The following GTF2I variants were observed in gnomAD, a reference collection of about 807,000 sequenced individuals.
GTF2I encodes the protein general transcription factor II-I.
In GTF2I, 12 loss-of-function variants were observed where a neutral mutation model predicts 67.6. That is an observed-to-expected ratio of 0.18 (90% CI 0.11 to 0.29). The LOEUF is 0.29. GTF2I is among the 10% of genes least tolerant of loss of function. GTF2I has a pLI of 1.00. For synonymous variants in GTF2I, 149 were observed against 197.0 expected (o/e 0.76, Z 2.04); for missense variants, 271 against 580.1 (o/e 0.47, Z 5.47).
At chr7:74,665,468 T>A (rs1348458848) in intron 1 of GTF2I, among the ~76,000 whole-genome samples, 1 of 151,846 alleles carries the variant, frequency 6.6e-6, no homozygotes, top group Non-Finnish European at 1.5e-5. Context: ...GCCAGGCTGG[T>A]CTCCAACTCT....
intron 10 of GTF2I, among the ~76,000 whole-genome samples, chr7:74,716,455 G>A (rs1290553834): frequency 6.6e-6 from 1 of 152,140 alleles, no homozygotes; most frequent in Non-Finnish European, 1.5e-5. Context: ...TGGAAAGCAT[G>A]AAACATTCCA....
At chr7:74,678,043 T>TTCTG (rs1160757895) in intron 1 of GTF2I, among the ~76,000 whole-genome samples, 3 of 151,808 alleles carry the variant, frequency 2.0e-5, no homozygotes, top group Non-Finnish European at 4.4e-5. Context: ...AAAGTATTAT[T>TTCTG]TCTGTCTGTC....
chr7:74,678,920 C>T (rs902456214), intron 1 of GTF2I, among the ~76,000 whole-genome samples: 13 of 150,748 alleles, frequency 8.6e-5, no homozygotes, highest in South Asian at 6.3e-4. Flanking sequence ...TCCAGGTGTG[C>T]GCCACCATGC....
chr7:74,726,840 G>GATAGATAT (rs1323682372), intron 12 of GTF2I: 2 of 137,784 alleles, frequency 1.5e-5, no homozygotes, highest in East Asian at 4.5e-4. Context: ...CCGACAGATA[G>GATAGATAT]ATAGATAGAT....
At chr7:74,667,971 C>T (rs1805127181) in intron 1 of GTF2I, among the ~76,000 whole-genome samples, 1 of 151,464 alleles carries the variant, frequency 6.6e-6, no homozygotes, top group South Asian at 2.1e-4. Context: ...GTAGCTGGGA[C>T]TACAGGTGCG....
intron 12 of GTF2I, among the ~76,000 whole-genome samples, chr7:74,725,981 T>A (rs587607242): frequency 6.6e-6 from 1 of 152,112 alleles, no homozygotes; most frequent in African/African-American, 2.4e-5. Context: ...TGTCTTCCCT[T>A]CCCCTGGGCC....
intron 1 of GTF2I, among the ~76,000 whole-genome samples, chr7:74,677,781 C>CAA (rs67938540): frequency 0.018 from 1,294 of 72,158 alleles, 74 homozygotes; most frequent in East Asian, 0.064. Flanking sequence ...GATTCTGTCT[C>CAA]AAAAAAAAAA....
rs1250913508 is a variant in GTF2I, at chr7:74,672,060, TG to T, written c.-6+13994del. Among the ~76,000 whole-genome samples, 4 of 152,160 alleles carry T rather than the reference TG, an allele frequency of 2.6e-5. No homozygotes were observed. The East Asian group carries it at 7.7e-4, about 29-fold the overall frequency. ...TGGCCTAGGGATTTCTTATTTTATT[TG>T]GAAGTACTTGCCATTCATATATATG... On this transcript the variant is annotated intron_variant, in intron 1 of 34. Transcript: ENST00000573035.
At chr7:74,732,089 G>GTA (rs1403157231) in intron 14 of GTF2I, among the ~76,000 whole-genome samples, 4 of 146,928 alleles carry the variant, frequency 2.7e-5, no homozygotes, top group Admixed American at 1.4e-4. Context: ...CTTCCTGTGT[G>GTA]TATATATATA....
At chr7:74,705,811 G>GT (rs1554401178) in intron 7 of GTF2I, among the ~76,000 whole-genome samples, 1 of 151,762 alleles carries the variant, frequency 6.6e-6, no homozygotes, top group East Asian at 1.9e-4. Context: ...TGATCCACCT[G>GT]CCTCGGCCTC....
intron 3 of GTF2I, among the ~76,000 whole-genome samples, chr7:74,694,919 C>G (rs1440656801): frequency 6.6e-6 from 1 of 152,176 alleles, no homozygotes; most frequent in Non-Finnish European, 1.5e-5. Flanking sequence ...AAGAGTTACA[C>G]TAAATCTGCT....
At chr7:74,692,815 T>A (rs76368385) in intron 3 of GTF2I, among the ~76,000 whole-genome samples, 4 of 152,182 alleles carry the variant, frequency 2.6e-5, no homozygotes, top group Non-Finnish European at 5.9e-5. Context: ...CAGGCTAGAG[T>A]GCAATGGTGC....
chr7:74,690,336 A>G (rs1788163688), intron 2 of GTF2I, among the ~76,000 whole-genome samples: 1 of 152,198 alleles, frequency 6.6e-6, no homozygotes, highest in South Asian at 2.1e-4. Context: ...TAAATCATTC[A>G]AGGTATATTC....
At chr7:74,692,754 TTTG>T (rs1788453103) in intron 3 of GTF2I, among the ~76,000 whole-genome samples, 1 of 152,178 alleles carries the variant, frequency 6.6e-6, no homozygotes, top group African/African-American at 2.4e-5. Context: ...TACCTCATTT[TTTG>T]TTGTTGTCAT....
chr7:74,701,202 A>G (rs1461827953), intron 6 of GTF2I, among the ~76,000 whole-genome samples: 24 of 152,178 alleles, frequency 1.6e-4, no homozygotes, highest in Admixed American at 1.4e-3. Context: ...TCCTTTAGGG[A>G]AGTCTAGCCA....
intron 9 of GTF2I, 33 bp from the exon 10 acceptor site, chr7:74,714,823 AT>A: frequency 1.4e-6 from 2 of 1,457,822 alleles, no homozygotes; most frequent in Non-Finnish European, 1.9e-6. Context: ...TTTGGGGGGG[AT>A]TACTTTTGAA....
chr7:74,670,699 C>CAA (rs1168333438), intron 1 of GTF2I, among the ~76,000 whole-genome samples: 13 of 91,054 alleles, frequency 1.4e-4, no homozygotes, highest in African/African-American at 3.6e-4. Flanking sequence ...CAAAAAAAAA[C>CAA]AAAAAAAAAA....
intron 15 of GTF2I, 50 bp downstream of exon 15, chr7:74,732,712 C>T (rs782669963): frequency 2.2e-5 from 33 of 1,524,876 alleles, no homozygotes; most frequent in East Asian, 1.2e-4. Context: ...CTGAGTAATA[C>T]GTCTTTTTTA....
At chr7:74,676,594 T>C (rs1554392457) in intron 1 of GTF2I, among the ~76,000 whole-genome samples, 1 of 152,000 alleles carries the variant, frequency 6.6e-6, no homozygotes, top group Non-Finnish European at 1.5e-5. Flanking sequence ...GAAAAAAAAA[T>C]TAAATAGAAA....
Sources: allele counts gnomAD v4.1 joint callset (sites outside exome capture counted in the v4.1 genomes callset), GRCh38; gene constraint gnomAD v4.1.1; transcripts MANE v1.5; gene names NCBI Gene and HGNC (gene_info 2026-07-23, HGNC 2026-07-21).